Variants in HHLA1 observed in about 807,000 individuals in gnomAD.
HHLA1 encodes the protein HHLA1 neighbor of OC90, also known as HERV-H LTR-associating protein 1.
HHLA1 carries 72 observed loss-of-function variants against 69.9 expected under a neutral mutation model. The observed-to-expected ratio is 1.03, with a 90% CI of 0.85 to 1.25. HHLA1 has a LOEUF of 1.25. HHLA1 is among the 50% of genes most tolerant of loss of function. HHLA1 has a pLI of 0.00. For synonymous variants in HHLA1, 252 were observed against 233.2 expected (o/e 1.08, Z -0.73); for missense variants, 685 against 642.2 (o/e 1.07, Z -0.72).
At position 132,085,136 on chromosome 8, in the gene HHLA1, G is replaced by T. The variant is rs534628797; in HGVS notation, c.676+2517C>A. On this transcript the variant is annotated intron_variant, in intron 10 of 16. Coordinates refer to ENST00000414222, the MANE Select transcript of HHLA1 (RefSeq NM_001145095.3). ...AGGACCAAGGCAGGCATCCCTGCGTGGTCTGACACCCTTGAAACGTGAGTG... is the reference window on the plus strand; with the variant it reads ...AGGACCAAGGCAGGCATCCCTGCGTTGTCTGACACCCTTGAAACGTGAGTG... Among the ~76,000 whole-genome samples, 921 of 152,276 alleles carry T rather than the reference G, an allele frequency of 6.0e-3. 6 individuals are homozygous for T. The highest frequency in any genetic ancestry group is 0.021 in the African/African-American group (887 of 41,542).
In HHLA1 at chr8:132,062,763, C is replaced by T. The variant is rs931010115; in HGVS notation, c.*1232G>A. 1 of 152,266 alleles carries T rather than the reference C, an allele frequency of 6.6e-6. No individual in the cohort carries two copies. Among genetic ancestry groups the T allele is most frequent in the African/African-American group, 2.4e-5 (1 of 41,458 alleles). 9.4% of individuals were successfully genotyped at this position (152,266 alleles called of 1,614,324 possible). A position where few individuals can be genotyped will look rare whatever the true frequency, so the allele number is the denominator to read the frequency against. On this transcript the variant is annotated 3_prime_UTR_variant, in exon 17 of 17. Transcript: ENST00000414222. Reference sequence around the variant, plus strand: ...ATGTGGGGATGCAGAAGAAAGTTGACTCCACAGACGTACTCCACAGATGAG... The same window carrying T: ...ATGTGGGGATGCAGAAGAAAGTTGATTCCACAGACGTACTCCACAGATGAG...
At chr8:132,068,966 C>A (rs985220098) in intron 15 of HHLA1, among the ~76,000 whole-genome samples, 1 of 152,124 alleles carries the variant, frequency 6.6e-6, no homozygotes, top group African/African-American at 2.4e-5. Flanking sequence ...TTCAATAATT[C>A]TGTATGTTTT....
At chr8:132,076,250 A>G in intron 13 of HHLA1, 121 bp from the exon 14 acceptor site, 1 of 823,194 alleles carries the variant, frequency 1.2e-6, no homozygotes, top group African/African-American at 1.7e-5. Context: ...GGAAAATGAT[A>G]GCCAAAAAAG....
Position 132,101,408 on chromosome 8 carries a change from T to C in HHLA1, c.140-1274A>G, listed in dbSNP as rs1019277517. On this transcript the variant is annotated intron_variant, in intron 3 of 16. Coordinates refer to ENST00000414222, the MANE Select transcript of HHLA1 (RefSeq NM_001145095.3). Reference sequence around the variant, plus strand: ...TGAAATCCCCAAACTTGATTTGATGTACCTAAATTTGATGTACCATATTGG... The same window carrying C: ...TGAAATCCCCAAACTTGATTTGATGCACCTAAATTTGATGTACCATATTGG... The C allele has an allele frequency of 2.9e-5, 35 of 1,225,978 alleles. No homozygotes were observed. In the African/African-American group the frequency reaches 4.9e-4, roughly 17 times the overall value. The allele number at this position is 1,225,978 out of a possible 1,614,324, so 75.9% of individuals were successfully genotyped here. A position where few individuals can be genotyped will look rare whatever the true frequency, so the allele number is the denominator to read the frequency against.
chr8:132,109,638 A>T (rs2469641), intron 1 of HHLA1, among the ~76,000 whole-genome samples: 71,228 of 151,836 alleles, frequency 0.47, 16,847 homozygotes, highest in Non-Finnish European at 0.5. Flanking sequence ...ACAGAAGATA[A>T]AGGCCCAGGG....
intron 16 of HHLA1, among the ~76,000 whole-genome samples, chr8:132,065,573 C>T (rs889606617): frequency 1.8e-4 from 27 of 152,224 alleles, no homozygotes; most frequent in South Asian, 4.1e-4. Flanking sequence ...TGAGCCACCG[C>T]GCCCAGCCTT....
In HHLA1 at chr8:132,111,106, C is replaced by T. The variant is rs978021422; in HGVS notation, c.-26G>A. 1 of 150,426 alleles carries T rather than the reference C, an allele frequency of 6.6e-6. No individual in the cohort carries two copies. The highest frequency in any genetic ancestry group is 6.7e-5 in the Admixed American group (1 of 14,852). 9.3% of individuals were successfully genotyped at this position (150,426 alleles called of 1,614,324 possible). A position where few individuals can be genotyped will look rare whatever the true frequency, so the allele number is the denominator to read the frequency against. On this transcript the variant is annotated 5_prime_UTR_variant, in exon 1 of 17. Coordinates refer to ENST00000414222, the MANE Select transcript of HHLA1 (RefSeq NM_001145095.3). ...TACCTACCATATACTACTTACCTAT[C>T]TTCTGAGCAGGATAAATTGACTTCA...
rs1380258001 is a variant in HHLA1, at chr8:132,079,733, T to A, written c.910A>T (p.Thr304Ser). ...TGCATCTTACCCAAGGCTGGGAGAG[T>A]GTGGGAGGCACTGAACCATGTGGCT... The part of the protein sequence containing the change: ...ATATWFSASH[T>S]LPALATRRVA... Residue 304 changes from threonine (T) to serine (S), a missense_variant, in exon 11 of 17, where the codon ACT becomes TCT. Transcript: ENST00000414222. The A allele has an allele frequency of 6.5e-7, 1 of 1,549,212 alleles. No individual in the cohort carries two copies. Among genetic ancestry groups the A allele is most frequent in the African/African-American group, 1.4e-5 (1 of 72,902 alleles).
chr8:132,071,563 T>C, intron 14 of HHLA1, 70 bp from the exon 15 acceptor site: 1 of 1,420,460 alleles, frequency 7.0e-7, no homozygotes, highest in South Asian at 1.3e-5. Flanking sequence ...CGTTAAGCCC[T>C]GCATCAGGTG....
Position 132,076,896 on chromosome 8 carries a change from A to G in HHLA1, c.1172-353T>C, listed in dbSNP as rs143378076. ...AATGAGTTAAAATGAGTTGCTTCTC[A>G]TTCATCTGAGTCTTAGTGTACACCT... On this transcript the variant is annotated intron_variant, in intron 12 of 16. Coordinates refer to ENST00000414222, the MANE Select transcript of HHLA1 (RefSeq NM_001145095.3). Among the ~76,000 whole-genome samples the G allele has an allele frequency of 3.3e-3, 495 of 152,224 alleles. 2 individuals carry two copies. The highest frequency in any genetic ancestry group is 0.014 in the Middle Eastern group (4 of 294).
rs928509280 is a variant in HHLA1, at chr8:132,101,195, C to T, written c.140-1061G>A. 3.9e-6 allele frequency: 6 copies of T among 1,549,280 alleles called. No individual in the cohort carries two copies. In the African/African-American group the frequency reaches 6.8e-5, roughly 18 times the overall value. On this transcript the variant is annotated intron_variant, in intron 3 of 16. Transcript: ENST00000414222. ...CACAGAGTCTGAAAAATGTGCCCTG[C>T]ATTACAGAGTAAGTCAGGATTTAGG...
intron 2 of HHLA1, 97 bp from the exon 3 acceptor site, chr8:132,104,264 T>C (rs1824166938): frequency 1.2e-6 from 1 of 808,834 alleles, no homozygotes; most frequent in Non-Finnish European, 2.0e-6. Context: ...GAGAGAATTA[T>C]GATCTGGGGT....
intron 5 of HHLA1, among the ~76,000 whole-genome samples, chr8:132,097,720 C>T (rs533866073): frequency 6.6e-6 from 1 of 152,198 alleles, no homozygotes; most frequent in Non-Finnish European, 1.5e-5. Context: ...TCGTGCACCT[C>T]CCAAGGCAGC....
intron 7 of HHLA1, among the ~76,000 whole-genome samples, chr8:132,092,180 A>C (rs1823957079): frequency 6.6e-6 from 1 of 152,236 alleles, no homozygotes; most frequent in South Asian, 2.1e-4. Flanking sequence ...GTTGTCTTTC[A>C]ATATCGATTC....
rs1203682188 is a variant in HHLA1 at position 132,076,117 on chromosome 8, G to A, written c.1253C>T (p.Ala418Val). The change falls in exon 14 of 17, where the codon GCA becomes GTA. Residue 418 changes from alanine to valine, a missense_variant. By Grantham distance (64) the Ala-to-Val change is moderately conservative. Transcript: ENST00000414222. ...TTCACCAGCAGTGAATGGCCACTCT[G>A]CAGAGAGATCACCTGCAAAGGGCAG... Reference protein sequence around the residue: ...PRYPQTGDLSAEWPFTAGEEP... With the variant: ...PRYPQTGDLSVEWPFTAGEEP... The A allele has an allele frequency of 1.3e-6, 2 of 1,551,022 alleles. No homozygotes were observed. Among genetic ancestry groups the A allele is most frequent in the Non-Finnish European group, 1.7e-6 (2 of 1,146,752 alleles).
In HHLA1 at chr8:132,093,187, A is replaced by C. The variant is rs562583067; in HGVS notation, c.448+2332T>G. 2.6e-5 allele frequency among the ~76,000 whole-genome samples: 4 copies of C among 152,276 alleles called. No individual in the cohort carries two copies. In the East Asian group the frequency reaches 5.8e-4, roughly 22 times the overall value. The stretch of plus-strand genomic sequence containing the variant: ...GCTTAGATGACAGGTTGGATAGATA[A>C]GTGGGTTATATAGGTAGTGTAGACA... On this transcript the variant is annotated intron_variant, in intron 7 of 16. Transcript: ENST00000414222.
rs906907937 is a variant in HHLA1, at chr8:132,105,898, C to T, written c.-21-612G>A. Among the ~76,000 whole-genome samples, 51 of 152,156 alleles carry T rather than the reference C, an allele frequency of 3.4e-4. 1 individual carries two copies. Among genetic ancestry groups the T allele is most frequent in the African/African-American group, 1.2e-3 (51 of 41,428 alleles). ...ATATTACCATAGGAATATGTGTGTT[C>T]ACAGTCTCTTTCCTTCTCTGCAGCA... is the stretch of plus-strand genomic sequence containing the variant. On this transcript the variant is annotated intron_variant, in intron 1 of 16. Coordinates refer to ENST00000414222, the MANE Select transcript of HHLA1 (RefSeq NM_001145095.3).
At position 132,077,834 on chromosome 8, in the gene HHLA1, G is replaced by A. The variant is rs1586726368; in HGVS notation, c.1063C>T (p.Pro355Ser). The A allele has an allele frequency of 3.9e-6, 6 of 1,551,612 alleles. No individual in the cohort carries two copies. The highest frequency in any genetic ancestry group is 5.2e-6 in the Non-Finnish European group (6 of 1,146,974). Residue 355 changes from proline (P) to serine (S), a missense_variant, in exon 12 of 17, where the codon CCG becomes TCG. By Grantham distance (74) the Pro-to-Ser change is moderately conservative. Coordinates refer to ENST00000414222, the MANE Select transcript of HHLA1 (RefSeq NM_001145095.3). ...GSLWETRSSPPTTAGTEEAMN... is the reference protein window; with the variant it reads ...GSLWETRSSPSTTAGTEEAMN... Reference sequence around the variant, plus strand: ...GCTTCCTCGGTCCCTGCAGTAGTCGGTGGGGAAGAACGAGTTTCCCAGAGA... The same window carrying A: ...GCTTCCTCGGTCCCTGCAGTAGTCGATGGGGAAGAACGAGTTTCCCAGAGA...
chr8:132,094,670 T>C (rs1488594091), intron 7 of HHLA1, among the ~76,000 whole-genome samples: 1 of 152,158 alleles, frequency 6.6e-6, no homozygotes, highest in East Asian at 1.9e-4. Context: ...TCCCTCCGGC[T>C]TTCCCCTGCT....
Sources: gnomAD v4.1 joint callset for allele counts (sites outside exome capture counted in the v4.1 genomes callset) on GRCh38, gnomAD v4.1.1 for gene constraint, MANE v1.5 for transcripts, NCBI Gene and HGNC (gene_info 2026-07-23, HGNC 2026-07-21) for gene names.